Variants in MFN1 observed in about 807,000 individuals in gnomAD.
The protein encoded by MFN1 is mitofusin 1.
Under a neutral mutation model 92.4 loss-of-function variants are expected in MFN1, and 65 were observed. That is an observed-to-expected ratio of 0.70 (90% confidence interval 0.58 to 0.86). The LOEUF (loss-of-function observed/expected upper bound fraction) is 0.86. MFN1 is among the 40% of genes least tolerant of loss of function. The pLI is 0.00. For synonymous variants in MFN1, 297 were observed against 300.9 expected, an observed-to-expected ratio of 0.99 and a Z score of 0.13; for missense variants, 781 against 868.0, an observed-to-expected ratio of 0.90 and a Z score of 1.26.
At position 179,367,608 on chromosome 3, in the gene MFN1, A is replaced by G. The variant is rs1712847938; in HGVS notation, c.907+16A>G. 3 of 1,580,008 alleles carry G rather than the reference A, an allele frequency of 1.9e-6. No homozygotes were observed. In the African/African-American group the frequency reaches 4.2e-5, roughly 22 times the overall value. ...CCAGAAAGTGGTATGCATTACCTAT[A>G]GATTTCCTGTTTAAATATAAAAATA... On this transcript the variant is annotated intron_variant, in intron 8 of 17. Coordinates refer to ENST00000471841, the MANE Select transcript of MFN1 (RefSeq NM_033540.3).
chr3:179,383,870 A>G (rs530285719), intron 14 of MFN1, among the ~76,000 whole-genome samples: 1 of 152,196 alleles, frequency 6.6e-6, no homozygotes, highest in Non-Finnish European at 1.5e-5. Context: ...AAACTTTAAA[A>G]AATTTATCAA....
intron 14 of MFN1, among the ~76,000 whole-genome samples, chr3:179,384,554 T>C (rs1713597938): frequency 1.3e-5 from 2 of 152,356 alleles, no homozygotes; most frequent in Admixed American, 1.3e-4. Flanking sequence ...CTTTCTCACA[T>C]ATATGATTTC....
At position 179,385,577 on chromosome 3, in the gene MFN1, A is replaced by T; in HGVS notation, c.1671A>T (p.Arg557Ser). Residue 557 changes from arginine (R) to serine (S), a missense_variant, in exon 15 of 18, where the codon AGA becomes AGT. Arg to Ser is a moderately radical substitution (Grantham distance 110). Transcript: ENST00000471841. The stretch of plus-strand genomic sequence containing the variant: ...CTCTTTTTTTTTGGCAGCTCCCTAG[A>T]TCTTTAGCTTCTACTCCCACTGCTC... ...GLSEPIFQLP[R>S]SLASTPTAPT... The T allele has an allele frequency of 1.3e-6, 2 of 1,596,784 alleles. No individual in the cohort carries two copies. Among genetic ancestry groups the T allele is most frequent in the Non-Finnish European group, 8.5e-7 (1 of 1,175,724 alleles).
In MFN1 at chr3:179,375,297, G is replaced by A. The variant is rs1713197021; in HGVS notation, c.1053G>A (p.Val351=). 1 of 1,613,822 alleles carries A rather than the reference G, an allele frequency of 6.2e-7. No individual in the cohort carries two copies. Among genetic ancestry groups the A allele is most frequent in the African/African-American group, 1.3e-5 (1 of 75,050 alleles). ...GAGCTAAACAGATACTAGCTACTGT[G>A]AAAAACATAATGGATTCAGTAAACC... is the stretch of plus-strand genomic sequence containing the variant. ...TIRAKQILAT[V]KNIMDSVNLA... is the part of the protein sequence containing the mutation. The change falls in exon 10 of 18, where the codon GTG becomes GTA. Residue 351 remains valine (V), a synonymous_variant. Coordinates refer to ENST00000471841, the MANE Select transcript of MFN1 (RefSeq NM_033540.3).
chr3:179,381,024 A>G (rs1713445361), intron 14 of MFN1, among the ~76,000 whole-genome samples: 1 of 152,208 alleles, frequency 6.6e-6, no homozygotes, highest in Non-Finnish European at 1.5e-5. Context: ...ATTGATAATG[A>G]GGTTTCAGTT....
At position 179,364,418 on chromosome 3, in the gene MFN1, CAT is replaced by C. The variant is rs770067246; in HGVS notation, c.645+16_645+17del. On this transcript the variant is annotated intron_variant, in intron 6 of 17. Coordinates refer to ENST00000471841, the MANE Select transcript of MFN1 (RefSeq NM_033540.3). ...ACTAATGAATACGGTAGGATTTAATCATATTATTGTGTTTCGATGGTAGGAAA... is the reference window on the plus strand; with the variant it reads ...ACTAATGAATACGGTAGGATTTAATCATTATTGTGTTTCGATGGTAGGAAA... 4 of 1,546,970 alleles carry C rather than the reference CAT, an allele frequency of 2.6e-6. No individual in the cohort carries two copies. Among genetic ancestry groups the C allele is most frequent in the African/African-American group, 2.7e-5 (2 of 73,676 alleles).
At chr3:179,391,206 G>A (rs1451354110) in intron 17 of MFN1, among the ~76,000 whole-genome samples, 1 of 152,008 alleles carries the variant, frequency 6.6e-6, no homozygotes, top group African/African-American at 2.4e-5. Flanking sequence ...GGAATACTAG[G>A]TAAGTTTTTA....
intron 12 of MFN1, chr3:179,378,116 C>T: frequency 3.9e-6 from 2 of 507,530 alleles, no homozygotes; most frequent in East Asian, 3.5e-5. Flanking sequence ...CCCAGTTACT[C>T]AGGAGTCTGA....
chr3:179,374,449 CAA>C (rs757704771), intron 9 of MFN1, among the ~76,000 whole-genome samples: 47 of 102,502 alleles, frequency 4.6e-4, no homozygotes, highest in Admixed American at 1.4e-3. Flanking sequence ...AAAATTGAAA[CAA>C]ATGTGAAATG....
chr3:179,356,690 A>G (rs1182022334), intron 3 of MFN1, among the ~76,000 whole-genome samples: 1 of 152,132 alleles, frequency 6.6e-6, no homozygotes, highest in Non-Finnish European at 1.5e-5. Context: ...TCACTTTAGT[A>G]TGCATAAGAA....
At chr3:179,357,185 G>T (rs1028966906) in intron 3 of MFN1, among the ~76,000 whole-genome samples, 3 of 152,168 alleles carry the variant, frequency 2.0e-5, no homozygotes, top group Non-Finnish European at 4.4e-5. Context: ...TAATGTCAGA[G>T]CTCCTGTCTA....
intron 3 of MFN1, among the ~76,000 whole-genome samples, chr3:179,355,617 A>C (rs1413854961): frequency 6.6e-6 from 1 of 152,276 alleles, no homozygotes; most frequent in East Asian, 1.9e-4. Flanking sequence ...AATGAAAAAC[A>C]ATGACAGCAC....
chr3:179,378,813 A>C lies in MFN1; in HGVS notation c.1661A>C (p.Gln554Pro), dbSNP rs1713356956. The C allele has an allele frequency of 1.2e-6, 2 of 1,603,668 alleles. No individual in the cohort carries two copies. Among genetic ancestry groups the C allele is most frequent in the South Asian group, 2.2e-5 (2 of 90,848 alleles). The change falls in exon 14 of 18, where the codon CAG becomes CCG. Residue 554 changes from glutamine to proline, a missense_variant and splice_region_variant. Transcript: ENST00000471841. Reference protein sequence around the residue: ...VLLGLSEPIFQLPRSLASTPT... With the variant: ...VLLGLSEPIFPLPRSLASTPT... The stretch of plus-strand genomic sequence containing the variant: ...CTAGGATTATCAGAGCCTATCTTTC[A>C]GGTATGTATCTTTGAATCTACCAAT...
chr3:179,376,884 T>C (rs1407009974), intron 10 of MFN1, 158 bp from the exon 11 acceptor site: 3 of 601,250 alleles, frequency 5.0e-6, no homozygotes, highest in Non-Finnish European at 8.2e-6. Flanking sequence ...TAAAATACTT[T>C]ATAAGTGAAA....
At chr3:179,363,526 GTGT>G (rs999863320) in intron 5 of MFN1, among the ~76,000 whole-genome samples, 1 of 150,758 alleles carries the variant, frequency 6.6e-6, no homozygotes, top group Non-Finnish European at 1.5e-5. Context: ...GGGTCTTGCT[GTGT>G]TGCCCAGTCT....
rs1713932407 is a variant in MFN1, at chr3:179,392,241, G to T, written c.*182G>T. The T allele has an allele frequency of 2.3e-6, 1 of 434,838 alleles. No individual in the cohort carries two copies. Among genetic ancestry groups the T allele is most frequent in the East Asian group, 3.5e-5 (1 of 28,426 alleles). 26.9% of individuals were successfully genotyped at this position (434,838 alleles called of 1,614,324 possible). On this transcript the variant is annotated 3_prime_UTR_variant, in exon 18 of 18. Coordinates refer to ENST00000471841, the MANE Select transcript of MFN1 (RefSeq NM_033540.3). ...TATGTGTATTTTTGAAGAGTGTTAT[G>T]TCCTTAGTTTTAATTTTGAGTAAAG...
rs530583839 is a variant in MFN1, at chr3:179,360,651, T to C, written c.411+1649T>C. Reference sequence around the variant, plus strand: ...GCACTGTTTCTCATTGTGGTTACTTTCTCTTGAGTCTAAAGATCTCTTCCA... The same window carrying C: ...GCACTGTTTCTCATTGTGGTTACTTCCTCTTGAGTCTAAAGATCTCTTCCA... On this transcript the variant is annotated intron_variant, in intron 4 of 17. Transcript: ENST00000471841. Among the ~76,000 whole-genome samples, 3 of 152,246 alleles carry C rather than the reference T, an allele frequency of 2.0e-5. No homozygotes were observed. The East Asian group carries it at 5.8e-4, about 29-fold the overall frequency.
At chr3:179,374,237 A>C (rs889189963) in intron 9 of MFN1, among the ~76,000 whole-genome samples, 1 of 150,234 alleles carries the variant, frequency 6.7e-6, no homozygotes, top group Non-Finnish European at 1.5e-5. Flanking sequence ...TAGGCGGTGG[A>C]GGTTGCAGTG....
intron 3 of MFN1, among the ~76,000 whole-genome samples, chr3:179,356,593 GT>G (rs1712351144): frequency 6.6e-6 from 1 of 152,140 alleles, no homozygotes; most frequent in Admixed American, 6.5e-5. Flanking sequence ...AGTGTTCTGT[GT>G]TGATTTTGAT....
Sources: gnomAD v4.1 joint callset for allele counts (sites outside exome capture counted in the v4.1 genomes callset) on GRCh38, gnomAD v4.1.1 for gene constraint, MANE v1.5 for transcripts, NCBI Gene and HGNC (gene_info 2026-07-23, HGNC 2026-07-21) for gene names.